Variants in TDRD10 observed in about 807,000 individuals in gnomAD.
TDRD10 encodes the protein tudor domain containing 10.
In TDRD10, 40 loss-of-function variants were observed where a neutral mutation model predicts 48.0. The observed-to-expected ratio is 0.83, with a 90% CI of 0.65 to 1.09. The LOEUF is 1.09. Ranked by LOEUF, TDRD10 falls within the 50% of genes least tolerant of loss-of-function variation. TDRD10 has a pLI of 0.00. For synonymous variants in TDRD10, 162 were observed against 170.4 expected (o/e 0.95, Z 0.38); for missense variants, 378 against 434.7 (o/e 0.87, Z 1.16).
intron 6 of TDRD10, 122 bp from the exon 7 acceptor site, chr1:154,541,902 G>T (rs780564989): frequency 1.1e-6 from 1 of 894,052 alleles, no homozygotes. Flanking sequence ...CAGCTCTAAA[G>T]TCGGAGTCAG....
In TDRD10 at chr1:154,542,061, C is replaced by A; in HGVS notation, c.407C>A (p.Thr136Asn). Residue 136 changes from threonine (T) to asparagine (N), a missense_variant, in exon 7 of 13, where the codon ACC (threonine) becomes AAC (asparagine). Coordinates refer to ENST00000368482, the MANE Select transcript of TDRD10 (RefSeq NM_182499.4). ...EKASGEGFGK[T>N]AAIIQLAPKA... ...GCTTCTGGTGAAGGATTTGGCAAAA[C>A]CGCCGGTGAGATTCTGCGCTGCCAT... 1 of 1,613,960 alleles carries A rather than the reference C, an allele frequency of 6.2e-7. No homozygotes were observed. Among genetic ancestry groups the A allele is most frequent in the Admixed American group, 1.7e-5 (1 of 59,986 alleles).
At chr1:154,532,087 C>T (rs1403741698) in intron 6 of TDRD10, among the ~76,000 whole-genome samples, 1 of 152,224 alleles carries the variant, frequency 6.6e-6, no homozygotes, top group Non-Finnish European at 1.5e-5. Flanking sequence ...TGCTGTGCGC[C>T]CACACTCCTC....
rs752032915 is a variant in TDRD10, at chr1:154,544,447, T to C, written c.727T>C (p.Ser243Pro). ...GGAGCAGCAGCCCTACCTGGAGGGC[T>C]CCACCGTTATGCGCGGGACTCGCTG... is the stretch of plus-strand genomic sequence containing the variant. ...AEEQQPYLEG[S>P]TVMRGTRCLA... Residue 243 changes from serine to proline, a missense_variant, in exon 10 of 13, where the codon TCC becomes CCC. Around this residue, in one of 2 missense-constraint regions of TDRD10, gnomAD observed 310 missense variants for 323.6 expected, o/e 0.96. Coordinates refer to ENST00000368482, the MANE Select transcript of TDRD10 (RefSeq NM_182499.4). The C allele has an allele frequency of 6.2e-7, 1 of 1,612,154 alleles. No individual in the cohort carries two copies. The highest frequency in any genetic ancestry group is 8.5e-7 in the Non-Finnish European group (1 of 1,179,498).
chr1:154,520,899 G>A (rs993055758), intron 5 of TDRD10, among the ~76,000 whole-genome samples: 2 of 151,976 alleles, frequency 1.3e-5, no homozygotes, highest in South Asian at 2.1e-4. Flanking sequence ...CACCACATCC[G>A]GCTAATTTTT....
intron 5 of TDRD10, among the ~76,000 whole-genome samples, 194 bp downstream of exon 5, chr1:154,520,568 A>C (rs1694005510): frequency 6.6e-6 from 1 of 152,204 alleles, no homozygotes; most frequent in African/African-American, 2.4e-5. Context: ...CTGTCTTATC[A>C]ACACAACCCT....
chr1:154,527,185 A>G (rs1228490889), intron 6 of TDRD10, among the ~76,000 whole-genome samples: 12 of 152,242 alleles, frequency 7.9e-5, no homozygotes, highest in Admixed American at 7.2e-4. Flanking sequence ...TGCTGGGATT[A>G]CAGGCATGAG....
intron 1 of TDRD10, among the ~76,000 whole-genome samples, chr1:154,505,137 T>TG (rs1225381719): frequency 6.6e-6 from 1 of 152,262 alleles, no homozygotes; most frequent in African/African-American, 2.4e-5. Flanking sequence ...TTTGTGAGCA[T>TG]GGATGCTAAG....
chr1:154,503,412 A>G (rs1692930649), intron 1 of TDRD10, among the ~76,000 whole-genome samples: 1 of 152,024 alleles, frequency 6.6e-6, no homozygotes, highest in Non-Finnish European at 1.5e-5. Context: ...ACATGGTGAA[A>G]CCTGGTCTCT....
chr1:154,511,027 T>C (rs916337502), intron 4 of TDRD10, among the ~76,000 whole-genome samples: 2 of 151,344 alleles, frequency 1.3e-5, no homozygotes, highest in African/African-American at 2.4e-5. Flanking sequence ...GCCTGGGAGA[T>C]AGAGCGAGAC....
chr1:154,510,546 C>T (rs372298453), intron 4 of TDRD10, among the ~76,000 whole-genome samples: 1 of 151,226 alleles, frequency 6.6e-6, no homozygotes, highest in Admixed American at 6.6e-5. Flanking sequence ...GAGCCAAGAT[C>T]GTGCCACTGC....
intron 6 of TDRD10, among the ~76,000 whole-genome samples, chr1:154,535,521 C>T (rs971945708): frequency 2.6e-5 from 4 of 151,796 alleles, no homozygotes; most frequent in Admixed American, 6.6e-5. Context: ...GCAACCCTGT[C>T]GACAAAAAAT....
chr1:154,524,014 A>C (rs1694185749), intron 6 of TDRD10, among the ~76,000 whole-genome samples: 1 of 151,176 alleles, frequency 6.6e-6, no homozygotes. Context: ...TCATCTTTTC[A>C]CCTATTTTGT....
chr1:154,510,226 G>A (rs539879373), intron 4 of TDRD10, among the ~76,000 whole-genome samples: 1 of 137,578 alleles, frequency 7.3e-6, no homozygotes, highest in Non-Finnish European at 1.6e-5. Flanking sequence ...GCAACATAGC[G>A]AGACCACATC....
intron 6 of TDRD10, among the ~76,000 whole-genome samples, chr1:154,535,607 G>A (rs954130346): frequency 6.6e-6 from 1 of 151,118 alleles, no homozygotes; most frequent in African/African-American, 2.4e-5. Flanking sequence ...TTGACCTGAA[G>A]GAGTTTGAGG....
At chr1:154,544,623 TTC>T (rs975317020) in intron 10 of TDRD10, 106 bp downstream of exon 10, 32 of 1,492,950 alleles carry the variant, frequency 2.1e-5, no homozygotes, top group Non-Finnish European at 2.9e-5. Flanking sequence ...CTGTGGCTTC[TTC>T]TCTCAAAATC....
chr1:154,535,132 C>T (rs571182465), intron 6 of TDRD10, among the ~76,000 whole-genome samples: 7 of 152,132 alleles, frequency 4.6e-5, no homozygotes, highest in South Asian at 2.1e-4. Flanking sequence ...TTTGGGAGGC[C>T]GAGGTGGGCG....
chr1:154,534,850 G>A (rs1021706141), intron 6 of TDRD10, among the ~76,000 whole-genome samples: 14 of 152,294 alleles, frequency 9.2e-5, no homozygotes, highest in African/African-American at 2.9e-4. Flanking sequence ...TCAGGTCAGC[G>A]TGGGGGAGAG....
chr1:154,547,244 G>A (rs958797174), intron 11 of TDRD10, among the ~76,000 whole-genome samples, 165 bp from the exon 12 acceptor site: 3 of 152,106 alleles, frequency 2.0e-5, no homozygotes, highest in Non-Finnish European at 4.4e-5. Context: ...CATCTCATTT[G>A]ATCCTGGCAG....
At chr1:154,529,146 C>T (rs767930911) in intron 6 of TDRD10, among the ~76,000 whole-genome samples, 4 of 152,064 alleles carry the variant, frequency 2.6e-5, no homozygotes, top group Non-Finnish European at 5.9e-5. Context: ...GTGGCACAAT[C>T]TCAGCTCGCT....
Sources: gnomAD v4.1 joint callset for allele counts (sites outside exome capture counted in the v4.1 genomes callset) on GRCh38, gnomAD v4.1.1 for gene constraint, gnomAD v4.1.1 regional missense constraint, MANE v1.5 for transcripts, NCBI Gene and HGNC (gene_info 2026-07-23, HGNC 2026-07-21) for gene names.